GRK1: variants seen among roughly 807,000 people sequenced by gnomAD.
GRK1 encodes the protein rhodopsin kinase GRK1.
GRK1 carries 28 observed loss-of-function variants against 41.7 expected under a neutral mutation model. The observed-to-expected ratio is 0.67, with a 90% confidence interval of 0.50 to 0.92. GRK1 has a LOEUF of 0.92. GRK1 is among the 40% of genes least tolerant of loss of function. The pLI is 0.00. For missense variants in GRK1, 703 were observed against 671.2 expected (o/e 1.05, Z -0.52); for synonymous variants, 327 against 286.7 (o/e 1.14, Z -1.42).
chr13:113,667,405 G>C lies in GRK1; in HGVS notation c.19G>C (p.Glu7Gln), dbSNP rs1306567282. 1 of 1,586,060 alleles carries C rather than the reference G, an allele frequency of 6.3e-7. No homozygotes were observed. The highest frequency in any genetic ancestry group is 1.2e-5 in the South Asian group (1 of 86,500). ...CTCCGGGATGGATTTCGGGTCTTTG[G>C]AGACCGTGGTGGCCAACTCTGCCTT... MDFGSL[E>Q]TVVANSAFIA... The change falls in exon 1 of 7, where the codon GAG (glutamate) becomes CAG (glutamine). Residue 7 changes from glutamate (E) to glutamine (Q), a missense_variant. Coordinates refer to ENST00000335678, the MANE Select transcript of GRK1 (RefSeq NM_002929.3). This position sits in a 1 kb window ranked among gnomAD's most constrained non-coding sequence, Gnocchi z 7.5.
At chr13:113,657,888 G>A in the GRK1 span, 5 of 681,396 alleles carry the variant, frequency 7.3e-6, no homozygotes, top group Admixed American at 5.8e-5. Flanking sequence ...GTGAGGCCCT[G>A]GCCGAAGCCC....
chr13:113,728,248 CG>C (rs1566696957), intron 4 of GRK1, among the ~76,000 whole-genome samples: 2,191 of 76,970 alleles, frequency 0.028, 676 homozygotes, highest in African/African-American at 0.12. Context: ...GTACCCATGG[CG>C]ATGAGGAGTA....
intron 4 of GRK1, among the ~76,000 whole-genome samples, chr13:113,724,085 TC>T (rs915110656): frequency 1.3e-5 from 2 of 151,682 alleles, no homozygotes; most frequent in African/African-American, 4.9e-5. Flanking sequence ...TCCTCTCACC[TC>T]CCCCCAGGCA....
chr13:113,723,077 A>G lies in GRK1; in HGVS notation c.989A>G (p.Asn330Ser), dbSNP rs375409897. 24 of 700,108 alleles carry G rather than the reference A, an allele frequency of 3.4e-5. No individual in the cohort carries two copies. The highest frequency in any genetic ancestry group is 5.5e-5 in the Non-Finnish European group (21 of 383,730). 43.4% of individuals were successfully genotyped at this position (700,108 alleles called of 1,614,324 possible). A position where few individuals can be genotyped will look rare whatever the true frequency, so the allele number is the denominator to read the frequency against. ...PENVLLDNDG[N>S]VRISDLGLAV... ...GACTCCGCTATCTGCCTCTCAGGCA[A>G]TGTCCGGATCTCTGACCTTGGGCTG... The change falls in exon 4 of 7, where the codon AAT (asparagine) becomes AGT (serine). Residue 330 changes from asparagine to serine, a missense_variant. Asn to Ser is a conservative substitution (Grantham distance 46). Coordinates refer to ENST00000335678, the MANE Select transcript of GRK1 (RefSeq NM_002929.3).
At chr13:113,651,563 G>C in the GRK1 span, 1 of 1,274,784 alleles carries the variant, frequency 7.8e-7, no homozygotes, top group Non-Finnish European at 1.0e-6. Context: ...TGGGCCGACG[G>C]CTGACATTCC....
chr13:113,653,014 G>A, the GRK1 span: 10 of 1,614,102 alleles, frequency 6.2e-6, no homozygotes, highest in Non-Finnish European at 8.5e-6. Context: ...AACTCTCCTG[G>A]AAGAAGTACT....
At chr13:113,732,151 G>A (rs1005916439) in intron 5 of GRK1, among the ~76,000 whole-genome samples, 4 of 152,200 alleles carry the variant, frequency 2.6e-5, no homozygotes, top group African/African-American at 7.2e-5. Context: ...GTGGCCGCAC[G>A]GAGCCAGAAG....
chr13:113,652,844 G>A, the GRK1 span: 1 of 1,609,202 alleles, frequency 6.2e-7, no homozygotes, highest in East Asian at 2.2e-5. Context: ...CTGTTGTAGT[G>A]GCGTGTGAAG....
upstream of GRK1, among the ~76,000 whole-genome samples, chr13:113,663,568 A>C (rs1459281800): frequency 1.3e-5 from 2 of 152,218 alleles, no homozygotes; most frequent in East Asian, 3.8e-4. Context: ...ATGTCTGACA[A>C]AGGACTGCTA....
chr13:113,666,096 T>C (rs1025487620), upstream of GRK1, among the ~76,000 whole-genome samples: 4 of 148,928 alleles, frequency 2.7e-5, no homozygotes, highest in African/African-American at 7.5e-5. Context: ...GCACCAGCTG[T>C]ATCTCAGGTG....
the GRK1 span, among the ~76,000 whole-genome samples, chr13:113,650,019 T>C: frequency 6.6e-6 from 1 of 152,036 alleles, no homozygotes; most frequent in Non-Finnish European, 1.5e-5. This position sits in a 1 kb window ranked among gnomAD's most constrained non-coding sequence, Gnocchi z 5.0. Flanking sequence ...GAAAATTAGC[T>C]GGGCATGTTG....
chr13:113,649,492 A>C, the GRK1 span: 4 of 1,551,170 alleles, frequency 2.6e-6, no homozygotes, highest in Non-Finnish European at 2.6e-6. This position sits in a 1 kb window ranked among gnomAD's most constrained non-coding sequence, Gnocchi z 4.7. Context: ...GTTCCTGGGG[A>C]TGTTGAGGAG....
Position 113,731,716 on chromosome 13 carries a change from G to T in GRK1, c.1194+373G>T, listed in dbSNP as rs2049938705. On this transcript the variant is annotated intron_variant, in intron 5 of 6. Coordinates refer to ENST00000335678, the MANE Select transcript of GRK1 (RefSeq NM_002929.3). The surrounding 1 kb of genome is among the most constrained non-coding windows in gnomAD (Gnocchi z 5.6). The stretch of plus-strand genomic sequence containing the variant: ...GGCGACTTATCCCACTGTTGCCCCA[G>T]ACCCTGGGCAGTGGGACAAACCACC... Among the ~76,000 whole-genome samples the T allele has an allele frequency of 1.3e-5, 2 of 152,162 alleles. No homozygotes were observed. The highest frequency in any genetic ancestry group is 4.1e-4 in the South Asian group (2 of 4,834).
chr13:113,650,463 G>A, the GRK1 span: 9 of 1,614,002 alleles, frequency 5.6e-6, no homozygotes, highest in South Asian at 1.1e-5. The surrounding 1 kb of genome is among the most constrained non-coding windows in gnomAD (Gnocchi z 5.0). Context: ...CGTTGGGAGG[G>A]TAGTACTTGA....
At chr13:113,661,807 T>G in the GRK1 span, among the ~76,000 whole-genome samples, 1 of 152,210 alleles carries the variant, frequency 6.6e-6, no homozygotes, top group East Asian at 1.9e-4. Context: ...AAATAGCCTA[T>G]AACTATTAAG....
At chr13:113,725,310 TCAGGGGCGGGATC>T (rs1566695887) in intron 4 of GRK1, among the ~76,000 whole-genome samples, 1 of 140,836 alleles carries the variant, frequency 7.1e-6, no homozygotes, top group Non-Finnish European at 1.5e-5. Flanking sequence ...TAGTTTGAGG[TCAGGGGCGGGATC>T]CAGGGGCGTG....
upstream of GRK1, among the ~76,000 whole-genome samples, chr13:113,665,072 C>T (rs1466067208): frequency 2.0e-5 from 3 of 152,218 alleles, no homozygotes; most frequent in Admixed American, 6.5e-5. Context: ...CTGCCAGGTG[C>T]AGCCCCCAGT....
Position 113,667,306 on chromosome 13 carries a change from A to AG in GRK1, c.-79dup. 1.5e-6 allele frequency: 2 copies of AG among 1,318,742 alleles called. No individual in the cohort carries two copies. The highest frequency in any genetic ancestry group is 2.0e-6 in the Non-Finnish European group (2 of 977,674). The allele number at this position is 1,318,742 out of a possible 1,614,324, so 81.7% of individuals were successfully genotyped here. On this transcript the variant is annotated 5_prime_UTR_variant, in exon 1 of 7. Transcript: ENST00000335678. The surrounding 1 kb of genome is among the most constrained non-coding windows in gnomAD (Gnocchi z 7.5). ...GGGCCACAGGCCAAGGGCAGCAGTC[A>AG]GGCCTGCTCTGTCTGTGAACGCTCC...
At chr13:113,672,233 GTGTA>G (rs1488269845) in intron 3 of GRK1, among the ~76,000 whole-genome samples, 1 of 150,436 alleles carries the variant, frequency 6.6e-6, no homozygotes, top group African/African-American at 2.4e-5. Context: ...GGCATATGGT[GTGTA>G]TGTGTGTGCA....
Sources: gnomAD v4.1 joint callset for allele counts (sites outside exome capture counted in the v4.1 genomes callset) on GRCh38, gnomAD v4.1.1 for gene constraint, Gnocchi (gnomAD v3.1) non-coding constraint, MANE v1.5 for transcripts, NCBI Gene and HGNC (gene_info 2026-07-23, HGNC 2026-07-21) for gene names.